Variants in PCBD1 observed in about 807,000 individuals in gnomAD.
The protein encoded by PCBD1 is pterin-4-alpha-carbinolamine dehydratase.
A neutral mutation model predicts 12.6 loss-of-function variants in PCBD1; 16 were observed. That is an observed-to-expected ratio of 1.27 (90% CI 0.86 to 1.93). The LOEUF is 1.93. Ranked by LOEUF, PCBD1 falls within the 30% of genes most tolerant of loss-of-function variation. The pLI is 0.00. For missense variants in PCBD1, 86 were observed against 130.1 expected, an observed-to-expected ratio of 0.66 and a Z score of 1.65; for synonymous variants, 53 against 50.2, an observed-to-expected ratio of 1.05 and a Z score of -0.23.
chr10:70,885,022 G>A (rs1002061003), intron 3 of PCBD1, 130 bp downstream of exon 3: 1 of 779,124 alleles, frequency 1.3e-6, no homozygotes, highest in Admixed American at 1.8e-5. Flanking sequence ...AGTGAGATTG[G>A]AAATGAGATG....
chr10:70,883,697 A>T lies in PCBD1; in HGVS notation c.*253T>A, dbSNP rs77029400. ...TCATTATTGTTGCTGGGAAGTTGCA[A>T]AGAAAGGGGAGAGTTTATTCAAATT... On this transcript the variant is annotated 3_prime_UTR_variant, in exon 4 of 4. Transcript: ENST00000299299. The T allele has an allele frequency of 0.02, 27,597 of 1,358,168 alleles. 325 individuals are homozygous for T. Among genetic ancestry groups the T allele is most frequent in the Non-Finnish European group, 0.023 (24,395 of 1,051,446 alleles). The allele number at this position is 1,358,168 out of a possible 1,614,324, so 84.1% of individuals were successfully genotyped here. A position where few individuals can be genotyped will look rare whatever the true frequency, so the allele number is the denominator to read the frequency against.
rs1846536482 is a variant in PCBD1 at position 70,883,882 on chromosome 10, G to C, written c.*68C>G. 2 of 1,567,020 alleles carry C rather than the reference G, an allele frequency of 1.3e-6. No individual in the cohort carries two copies. Among genetic ancestry groups the C allele is most frequent in the Non-Finnish European group, 8.7e-7 (1 of 1,154,898 alleles). ...GTGGTGGGAGGGTAAGGGCTCCTCA[G>C]CTCCCTCCCTGGACTCCCAGTTCAG... On this transcript the variant is annotated 3_prime_UTR_variant, in exon 4 of 4. Coordinates refer to ENST00000299299, the MANE Select transcript of PCBD1 (RefSeq NM_000281.4).
chr10:70,886,831 T>C (rs7916976), intron 1 of PCBD1, among the ~76,000 whole-genome samples: 296 of 152,302 alleles, frequency 1.9e-3, no homozygotes, highest in African/African-American at 7.0e-3. Context: ...ATTGGCACAA[T>C]TCAGGCCATG....
chr10:70,882,321 T>C (rs1392541419), downstream of PCBD1: 2 of 152,240 alleles, frequency 1.3e-5, no homozygotes, highest in African/African-American at 2.4e-5. Flanking sequence ...CTGTGTATTA[T>C]GATTCTCCAG....
chr10:70,888,480 G>T, intron 1 of PCBD1, 51 bp downstream of exon 1: 1 of 1,458,702 alleles, frequency 6.9e-7, no homozygotes, highest in South Asian at 1.3e-5. Context: ...CCTCGCCCGC[G>T]GCTGCCCCGG....
intron 2 of PCBD1, 63 bp from the exon 3 acceptor site, chr10:70,885,295 A>G (rs1846565284): frequency 1.6e-6 from 2 of 1,238,990 alleles, no homozygotes; most frequent in Non-Finnish European, 1.2e-6. Flanking sequence ...GACATCACCA[A>G]TTCAAGGCCT....
At chr10:70,882,632 G>A (rs1362581008), downstream of PCBD1, 1 of 152,172 alleles carries the variant, frequency 6.6e-6, no homozygotes, top group Non-Finnish European at 1.5e-5. Context: ...GCCTTCACCT[G>A]GTTGAATGAG....
At chr10:70,882,927 G>GATGA (rs1471884542), downstream of PCBD1, among the ~76,000 whole-genome samples, 2 of 151,976 alleles carry the variant, frequency 1.3e-5, no homozygotes, top group African/African-American at 4.8e-5. Context: ...CTGAAAATCA[G>GATGA]AAATCTAAAA....
At chr10:70,882,871 G>C (rs1846520687), downstream of PCBD1, among the ~76,000 whole-genome samples, 1 of 152,168 alleles carries the variant, frequency 6.6e-6, no homozygotes, top group Non-Finnish European at 1.5e-5. Flanking sequence ...TCAGATTTTG[G>C]ATTTTGGAAT....
chr10:70,882,969 G>A (rs1449597848), downstream of PCBD1, among the ~76,000 whole-genome samples: 3 of 150,196 alleles, frequency 2.0e-5, no homozygotes, highest in African/African-American at 7.3e-5. Flanking sequence ...TGGGCATCAT[G>A]TTGGCATTCA....
intron 3 of PCBD1, 121 bp from the exon 4 acceptor site, chr10:70,884,169 C>T (rs1465301009): frequency 1.1e-6 from 1 of 886,438 alleles, no homozygotes; most frequent in East Asian, 2.6e-5. Flanking sequence ...TACGATCTCT[C>T]CTGGGGACTC....
At chr10:70,885,355 A>G (rs1204883690) in intron 2 of PCBD1, 123 bp from the exon 3 acceptor site, 6 of 743,110 alleles carry the variant, frequency 8.1e-6, no homozygotes, top group Non-Finnish European at 7.3e-6. Flanking sequence ...CTCTATAATC[A>G]TTTCCCCCTT....
In PCBD1 at chr10:70,885,164, G is replaced by A. The variant is rs778214598; in HGVS notation, c.204C>T (p.Asn68=). 1.9e-6 allele frequency: 3 copies of A among 1,613,518 alleles called. No individual in the cohort carries two copies. In the South Asian group the frequency reaches 3.3e-5, roughly 18 times the overall value. The stretch of plus-strand genomic sequence containing the variant: ...CAGCATCACTCACCTTGTTGTACAC[G>A]TTAAACCATTCAGGATGGTGGTCCA... ...EKLDHHPEWF[N]VYNKVHITLS... The change falls in exon 3 of 4, where the codon AAC becomes AAT. Residue 68 remains asparagine (N), a synonymous_variant. Transcript: ENST00000299299.
At chr10:70,886,290 G>T (rs924684301) in intron 1 of PCBD1, among the ~76,000 whole-genome samples, 10 of 152,142 alleles carry the variant, frequency 6.6e-5, no homozygotes, top group African/African-American at 2.4e-4. Context: ...CATCAGTGAG[G>T]GCGTAAAAGC....
At chr10:70,886,185 C>T (rs1475344907) in intron 1 of PCBD1, among the ~76,000 whole-genome samples, 1 of 152,202 alleles carries the variant, frequency 6.6e-6, no homozygotes, top group African/African-American at 2.4e-5. Flanking sequence ...AGGGAAATCA[C>T]AAAAGCAATG....
Position 70,883,875 on chromosome 10 carries a change from C to T in PCBD1, c.*75G>A, listed in dbSNP as rs1282110826. Reference sequence around the variant, plus strand: ...GAGGGGAGTGGTGGGAGGGTAAGGGCTCCTCAGCTCCCTCCCTGGACTCCC... The same window carrying T: ...GAGGGGAGTGGTGGGAGGGTAAGGGTTCCTCAGCTCCCTCCCTGGACTCCC... On this transcript the variant is annotated 3_prime_UTR_variant, in exon 4 of 4. Transcript: ENST00000299299. 3.8e-6 allele frequency: 6 copies of T among 1,559,638 alleles called. No homozygotes were observed. The African/African-American group carries it at 8.1e-5, about 21-fold the overall frequency.
At chr10:70,886,057 G>C (rs1194482080) in intron 1 of PCBD1, 128 bp from the exon 2 acceptor site, 8 of 1,278,778 alleles carry the variant, frequency 6.3e-6, no homozygotes, top group Non-Finnish European at 7.7e-6. Flanking sequence ...AAGGGCAGCA[G>C]GTCTTTGAGC....
At chr10:70,888,288 G>C (rs1268409614) in intron 1 of PCBD1, 1 of 373,242 alleles carries the variant, frequency 2.7e-6, no homozygotes, top group Non-Finnish European at 4.8e-6. Flanking sequence ...AGCACTGGCC[G>C]GGGTCAGGGC....
At chr10:70,884,381 TAA>T (rs1319536127) in intron 3 of PCBD1, among the ~76,000 whole-genome samples, 1 of 152,006 alleles carries the variant, frequency 6.6e-6, no homozygotes, top group Non-Finnish European at 1.5e-5. Flanking sequence ...ACTGTTTTTA[TAA>T]ACAGAGACCA....
Sources: allele counts gnomAD v4.1 joint callset (sites outside exome capture counted in the v4.1 genomes callset), GRCh38; gene constraint gnomAD v4.1.1; transcripts MANE v1.5; gene names NCBI Gene and HGNC (gene_info 2026-07-23, HGNC 2026-07-21).